The following MYT1L variants were observed in gnomAD, a reference collection of about 807,000 sequenced individuals.
The protein encoded by MYT1L is myelin transcription factor 1 like.
Under a neutral mutation model 126.7 loss-of-function variants are expected in MYT1L, and 12 were observed. That is an observed-to-expected ratio of 0.09 (90% CI 0.06 to 0.15). The LOEUF is 0.15. Ranked by LOEUF, MYT1L falls within the 10% of genes least tolerant of loss-of-function variation. The probability of loss-of-function intolerance (pLI) is 1.00; values close to 1 mark genes in which losing one functional copy is unlikely to be tolerated. For missense variants in MYT1L, 979 were observed against 1,585.2 expected (o/e 0.62, Z 6.49); for synonymous variants, 541 against 604.2 (o/e 0.90, Z 1.53).
At chr2:1,958,523 G>C (rs538558676) in intron 8 of MYT1L, among the ~76,000 whole-genome samples, 3 of 152,298 alleles carry the variant, frequency 2.0e-5, no homozygotes, top group East Asian at 3.9e-4. Context: ...ATCCTCAAGC[G>C]GCCTCAGCTG....
At chr2:1,863,535 T>A (rs896916549) in intron 18 of MYT1L, among the ~76,000 whole-genome samples, 4 of 139,272 alleles carry the variant, frequency 2.9e-5, no homozygotes, top group Non-Finnish European at 6.6e-5. Flanking sequence ...ACAGCCACGC[T>A]TGCAGAGTAC....
intron 1 of MYT1L, among the ~76,000 whole-genome samples, chr2:2,301,774 C>G (rs1372303210): frequency 6.7e-6 from 1 of 149,050 alleles, no homozygotes; most frequent in African/African-American, 2.5e-5. Flanking sequence ...CTGCAGTGAG[C>G]TACGTTTGCA....
At chr2:1,972,790 G>A (rs932873729) in intron 8 of MYT1L, among the ~76,000 whole-genome samples, 2 of 152,230 alleles carry the variant, frequency 1.3e-5, no homozygotes, top group Admixed American at 1.3e-4. Flanking sequence ...GAGTGAGGGT[G>A]TGTGCCGCAA....
intron 3 of MYT1L, among the ~76,000 whole-genome samples, chr2:2,088,832 A>G (rs2076615782): frequency 6.6e-6 from 1 of 152,198 alleles, no homozygotes; most frequent in Non-Finnish European, 1.5e-5. Context: ...TTAAAAGCAA[A>G]AGCATAGAGC....
At chr2:1,918,477 C>T (rs1573562748) in intron 10 of MYT1L, among the ~76,000 whole-genome samples, 1 of 152,104 alleles carries the variant, frequency 6.6e-6, no homozygotes, top group South Asian at 2.1e-4. Flanking sequence ...ATCATGATTG[C>T]TAGAAAATAC....
At chr2:1,913,399 G>A (rs996527373) in intron 11 of MYT1L, among the ~76,000 whole-genome samples, 1 of 152,122 alleles carries the variant, frequency 6.6e-6, no homozygotes, top group Non-Finnish European at 1.5e-5. Flanking sequence ...TGGCTGGAGG[G>A]GGTCACAGGA....
At chr2:1,893,673 C>T (rs2049211722) in intron 14 of MYT1L, among the ~76,000 whole-genome samples, 1 of 152,148 alleles carries the variant, frequency 6.6e-6, no homozygotes, top group Non-Finnish European at 1.5e-5. Flanking sequence ...GAACCTGGAG[C>T]CAGGCTTCCC....
At chr2:2,152,637 C>T (rs950906047) in intron 3 of MYT1L, among the ~76,000 whole-genome samples, 3 of 152,052 alleles carry the variant, frequency 2.0e-5, no homozygotes, top group East Asian at 1.9e-4. Context: ...AGAGGCGTCC[C>T]GAGTAGATGA....
chr2:2,073,017 T>C (rs1157823820), intron 3 of MYT1L, among the ~76,000 whole-genome samples: 1 of 152,164 alleles, frequency 6.6e-6, no homozygotes, highest in African/African-American at 2.4e-5. Flanking sequence ...AGACAGTGTC[T>C]TCACACAACA....
At chr2:1,952,780 TTTCC>T (rs1558516796) in intron 8 of MYT1L, among the ~76,000 whole-genome samples, 1 of 54,780 alleles carries the variant, frequency 1.8e-5, no homozygotes, top group Non-Finnish European at 3.5e-5. Context: ...CCTTCCCTCC[TTTCC>T]TCCCTTCCCT....
intron 21 of MYT1L, among the ~76,000 whole-genome samples, chr2:1,831,581 T>C (rs576978023): frequency 6.6e-6 from 1 of 152,298 alleles, no homozygotes; most frequent in African/African-American, 2.4e-5. Context: ...GTGCCTGATC[T>C]TTTCCCTAAA....
At chr2:2,188,452 G>C (rs2092360622) in intron 2 of MYT1L, among the ~76,000 whole-genome samples, 1 of 152,174 alleles carries the variant, frequency 6.6e-6, no homozygotes, top group Admixed American at 6.5e-5. Context: ...ACGCCGATAG[G>C]AGCCGTGCAC....
chr2:2,171,616 T>TATC (rs201328533), intron 3 of MYT1L, among the ~76,000 whole-genome samples: 5 of 150,612 alleles, frequency 3.3e-5, no homozygotes, highest in African/African-American at 1.2e-4. Context: ...TTTTTCTTTT[T>TATC]GTCGTCGTCG....
At chr2:2,143,019 G>A (rs911734803) in intron 3 of MYT1L, among the ~76,000 whole-genome samples, 5 of 150,566 alleles carry the variant, frequency 3.3e-5, no homozygotes, top group Admixed American at 6.6e-5. Flanking sequence ...GGCTGGGCGC[G>A]GTGGCTCGAG....
intron 2 of MYT1L, among the ~76,000 whole-genome samples, chr2:2,275,834 T>C (rs1201600108): frequency 6.6e-6 from 1 of 152,136 alleles, no homozygotes; most frequent in Non-Finnish European, 1.5e-5. Context: ...ATAACCAACC[T>C]ATTCTTTCAC....
intron 3 of MYT1L, among the ~76,000 whole-genome samples, chr2:2,149,264 G>C (rs2085361146): frequency 6.6e-6 from 1 of 152,178 alleles, no homozygotes; most frequent in Non-Finnish European, 1.5e-5. Context: ...ATGGAAAAGT[G>C]TCTTTAAAAC....
intron 17 of MYT1L, 47 bp from the exon 18 acceptor site, chr2:1,886,654 TA>T (rs770008377): frequency 1.5e-6 from 2 of 1,325,838 alleles, no homozygotes; most frequent in African/African-American, 3.0e-5. Flanking sequence ...GCGAAGCGCG[TA>T]ACTCCCAAAC....
At chr2:1,845,234 A>G (rs1269334852) in intron 19 of MYT1L, among the ~76,000 whole-genome samples, 1 of 152,020 alleles carries the variant, frequency 6.6e-6, no homozygotes, top group Non-Finnish European at 1.5e-5. Flanking sequence ...TCAGACTTCC[A>G]CAGTGCTGGG....
intron 3 of MYT1L, among the ~76,000 whole-genome samples, chr2:2,070,292 C>T (rs1026118316): frequency 6.6e-6 from 1 of 152,142 alleles, no homozygotes; most frequent in Admixed American, 6.5e-5. Flanking sequence ...TTCCATTTTG[C>T]CATCACCCTG....
Sources: gnomAD v4.1 joint callset for allele counts (sites outside exome capture counted in the v4.1 genomes callset) on GRCh38, gnomAD v4.1.1 for gene constraint, MANE v1.5 for transcripts, NCBI Gene and HGNC (gene_info 2026-07-23, HGNC 2026-07-21) for gene names.